ADARB2: variants seen among roughly 807,000 people sequenced by gnomAD.
ADARB2 encodes adenosine deaminase RNA specific B2 (inactive).
A neutral mutation model predicts 62.2 loss-of-function variants in ADARB2; 25 were observed. That is an observed-to-expected ratio of 0.40 (90% CI 0.29 to 0.56). The LOEUF is 0.56. Among genes scored for constraint, ADARB2 ranks in the 20% least tolerant of loss-of-function variants. The probability of loss-of-function intolerance (pLI) is 0.43; values close to 1 mark genes in which losing one functional copy is unlikely to be tolerated. For synonymous variants in ADARB2, 572 were observed against 500.8 expected (o/e 1.14, Z -1.90); for missense variants, 1,071 against 1,077.4 (o/e 0.99, Z 0.08).
In ADARB2 at chr10:1,200,077, C is replaced by T. The variant is rs1273746908; in HGVS notation, c.1753G>A (p.Val585Met). 1.6e-5 allele frequency: 26 copies of T among 1,578,126 alleles called. No individual in the cohort carries two copies. Among genetic ancestry groups the T allele is most frequent in the South Asian group, 3.5e-5 (3 of 86,336 alleles). ...CCCGTGTGGTGCAGGCTGCCCACCA[C>T]GATGCTCTGCAGGTACACGGGCTCC... ...FVEPVYLQSIVVGSLHHTGHL... is the reference protein window; with the variant it reads ...FVEPVYLQSIMVGSLHHTGHL... The change falls in exon 8 of 10, where the codon GTG (valine) becomes ATG (methionine). Residue 585 changes from valine to methionine, a missense_variant. Coordinates refer to ENST00000381312, the MANE Select transcript of ADARB2 (RefSeq NM_018702.4).
chr10:1,429,743 C>T (rs1412146511), intron 1 of ADARB2, among the ~76,000 whole-genome samples: 1 of 152,158 alleles, frequency 6.6e-6, no homozygotes, highest in East Asian at 1.9e-4. Flanking sequence ...CTTTGAATAC[C>T]TGATTTTAGG....
chr10:1,343,823 G>A (rs1813321437), intron 3 of ADARB2, among the ~76,000 whole-genome samples: 1 of 152,094 alleles, frequency 6.6e-6, no homozygotes, highest in Non-Finnish European at 1.5e-5. Context: ...CGAAACACTG[G>A]GCACCTATGG....
intron 1 of ADARB2, among the ~76,000 whole-genome samples, chr10:1,550,697 G>A (rs1388316062): frequency 1.3e-5 from 2 of 152,154 alleles, no homozygotes; most frequent in South Asian, 4.2e-4. Flanking sequence ...ATTTGTTAGG[G>A]TCGTGGGAGC....
chr10:1,595,055 C>T (rs1310201763), intron 1 of ADARB2, among the ~76,000 whole-genome samples: 3 of 152,190 alleles, frequency 2.0e-5, no homozygotes, highest in Non-Finnish European at 4.4e-5. Flanking sequence ...CCGCCCAGCA[C>T]AGACAATGCA....
intron 1 of ADARB2, among the ~76,000 whole-genome samples, chr10:1,669,556 A>T (rs995610782): frequency 1.3e-5 from 2 of 151,958 alleles, no homozygotes; most frequent in Non-Finnish European, 2.9e-5. Flanking sequence ...ACTCAGAGAG[A>T]CACACACAGA....
intron 3 of ADARB2, among the ~76,000 whole-genome samples, chr10:1,273,609 CG>C (rs924165485): frequency 6.6e-6 from 1 of 152,224 alleles, no homozygotes; most frequent in African/African-American, 2.4e-5. Context: ...GTGCCCCCCA[CG>C]ACCTTGCACG....
At chr10:1,224,838 AT>A (rs1300856341) in intron 6 of ADARB2, among the ~76,000 whole-genome samples, 3 of 152,156 alleles carry the variant, frequency 2.0e-5, no homozygotes, top group African/African-American at 7.2e-5. Context: ...ACTTCCAATT[AT>A]GTGGTCAGTT....
rs548241066 is a variant in ADARB2, at chr10:1,616,461, G to A, written c.100+120590C>T. On this transcript the variant is annotated intron_variant, in intron 1 of 9. Transcript: ENST00000381312. The stretch of plus-strand genomic sequence containing the variant: ...TCTGTCGCTAGATGTTTGTGTGCCC[G>A]TCCAGACACACTCCACACCACCCTG... 3.4e-3 allele frequency among the ~76,000 whole-genome samples: 496 copies of A among 146,122 alleles called. 2 individuals are homozygous for A. The highest frequency in any genetic ancestry group is 5.0e-3 in the Non-Finnish European group (330 of 66,218).
intron 1 of ADARB2, among the ~76,000 whole-genome samples, chr10:1,722,480 C>T (rs183034413): frequency 2.7e-4 from 41 of 152,326 alleles, no homozygotes; most frequent in African/African-American, 9.6e-4. Flanking sequence ...CACAAGGGAA[C>T]GCAGTAGGTC....
chr10:1,557,793 T>C (rs529914786), intron 1 of ADARB2, among the ~76,000 whole-genome samples: 9 of 152,126 alleles, frequency 5.9e-5, no homozygotes, highest in Non-Finnish European at 8.8e-5. Flanking sequence ...GCATCTGTAA[T>C]CCCAGGTACT....
chr10:1,673,263 T>C (rs947558448), intron 1 of ADARB2, among the ~76,000 whole-genome samples: 33 of 152,056 alleles, frequency 2.2e-4, no homozygotes, highest in Non-Finnish European at 1.2e-4. Context: ...ATATGTATAA[T>C]AGATCATATA....
At chr10:1,643,848 C>T (rs7893810) in intron 1 of ADARB2, among the ~76,000 whole-genome samples, 1 of 151,864 alleles carries the variant, frequency 6.6e-6, no homozygotes, top group East Asian at 1.9e-4. Flanking sequence ...TTGGAGCCTG[C>T]GGAGTGACAG....
At position 1,265,606 on chromosome 10, in the gene ADARB2, TGAGAGGGGGGCCCAGGCTCTCCC is replaced by T; in HGVS notation, c.1192+5326_1192+5348del. 1.6e-5 allele frequency among the ~76,000 whole-genome samples: 2 copies of T among 127,926 alleles called. 1 individual carries two copies. Among genetic ancestry groups the T allele is most frequent in the African/African-American group, 6.7e-5 (2 of 29,782 alleles). The allele number at this position is 127,926 out of a possible 152,430, so 83.9% of individuals were successfully genotyped here. On this transcript the variant is annotated intron_variant, in intron 4 of 9. Transcript: ENST00000381312. ...GTCCACGCTCTCCCGGAAGACGGCC[TGAGAGGGGGGCCCAGGCTCTCCC>T]GGAAGACGGCCTGAGCCAGGTCCAC... is the stretch of plus-strand genomic sequence containing the variant.
chr10:1,732,189 C>T (rs1365926128), intron 1 of ADARB2, among the ~76,000 whole-genome samples: 3 of 151,112 alleles, frequency 2.0e-5, no homozygotes, highest in Non-Finnish European at 2.9e-5. Flanking sequence ...CATATACATA[C>T]ATACATAGTA....
intron 3 of ADARB2, among the ~76,000 whole-genome samples, chr10:1,285,729 A>G (rs1391698827): frequency 6.6e-6 from 1 of 152,228 alleles, no homozygotes; most frequent in African/African-American, 2.4e-5. Context: ...TTCACATTGG[A>G]AAATGAACTT....
At chr10:1,570,501 C>G (rs1242337862) in intron 1 of ADARB2, among the ~76,000 whole-genome samples, 1 of 152,186 alleles carries the variant, frequency 6.6e-6, no homozygotes, top group Non-Finnish European at 1.5e-5. Context: ...GAGTGTGTCT[C>G]TAAGCCTGGT....
chr10:1,701,931 G>A lies in ADARB2; in HGVS notation c.100+35120C>T, dbSNP rs145206258. Among the ~76,000 whole-genome samples the A allele has an allele frequency of 2.2e-3, 330 of 152,294 alleles. 2 individuals are homozygous for A. The highest frequency in any genetic ancestry group is 7.6e-3 in the African/African-American group (314 of 41,560). On this transcript the variant is annotated intron_variant, in intron 1 of 9. Coordinates refer to ENST00000381312, the MANE Select transcript of ADARB2 (RefSeq NM_018702.4). The stretch of plus-strand genomic sequence containing the variant: ...CACTCCACCGGGAGACCAGGCGCTC[G>A]TCAATACATTCCATGGTATAGAGGC...
chr10:1,713,992 C>T lies in ADARB2; in HGVS notation c.100+23059G>A, dbSNP rs144286174. Among the ~76,000 whole-genome samples the T allele has an allele frequency of 3.2e-3, 490 of 152,282 alleles. 2 individuals are homozygous for T. The highest frequency in any genetic ancestry group is 5.4e-3 in the Non-Finnish European group (370 of 68,020). Reference sequence around the variant, plus strand: ...TAGTTCCTTGTTTTGCATAAAGAGACTCTGTGTGTGATTTCACTTAAAAGA... The same window carrying T: ...TAGTTCCTTGTTTTGCATAAAGAGATTCTGTGTGTGATTTCACTTAAAAGA... On this transcript the variant is annotated intron_variant, in intron 1 of 9. Transcript: ENST00000381312.
intron 1 of ADARB2, among the ~76,000 whole-genome samples, chr10:1,389,752 T>G (rs1333077597): frequency 7.3e-5 from 3 of 40,876 alleles, no homozygotes; most frequent in African/African-American, 1.9e-4. Flanking sequence ...GACTCAAAAA[T>G]AAATAAATAA....
Sources: gnomAD v4.1 joint callset for allele counts (sites outside exome capture counted in the v4.1 genomes callset) on GRCh38, gnomAD v4.1.1 for gene constraint, MANE v1.5 for transcripts, NCBI Gene and HGNC (gene_info 2026-07-23, HGNC 2026-07-21) for gene names.